TBL1X: variants seen among roughly 807,000 people sequenced by gnomAD.
The protein encoded by TBL1X is F-box-like/WD repeat-containing protein TBL1X.
Under a neutral mutation model 50.7 loss-of-function variants are expected in TBL1X, and 10 were observed. The observed-to-expected ratio is 0.20, with a 90% CI of 0.12 to 0.33. TBL1X has a LOEUF of 0.33. TBL1X is among the 10% of genes least tolerant of loss of function. The pLI, the probability that TBL1X is intolerant of heterozygous loss-of-function variation, is 1.00. For missense variants in TBL1X, 340 were observed against 504.4 expected (o/e 0.67, Z 3.12); for synonymous variants, 190 against 214.7 (o/e 0.88, Z 1.01).
intron 5 of TBL1X, among the ~76,000 whole-genome samples, chrX:9,668,646 G>A (rs1052245947): frequency 2.7e-5 from 3 of 112,180 alleles, no homozygotes; most frequent in African/African-American, 6.5e-5. Context: ...GTAAGAATCT[G>A]TTCTCTTTTG....
At chrX:9,661,127 A>G (rs907433611) in intron 5 of TBL1X, among the ~76,000 whole-genome samples, 2 of 112,797 alleles carry the variant, frequency 1.8e-5, no homozygotes, top group African/African-American at 3.2e-5. Context: ...TTGGTAGAGC[A>G]GCCCGAACAG....
At position 9,479,767 on chromosome X, in the gene TBL1X, C is replaced by T. The variant is rs1273882937; in HGVS notation, c.-201+14320C>T. On this transcript the variant is annotated intron_variant, in intron 1 of 17. Coordinates refer to ENST00000645353, the MANE Select transcript of TBL1X (RefSeq NM_005647.4). ...GGACACATGGAGTTAGCCGGCTCCCCTGGCTAGGCTGGGAAGAATCATGGG... is the reference window on the plus strand; with the variant it reads ...GGACACATGGAGTTAGCCGGCTCCCTTGGCTAGGCTGGGAAGAATCATGGG... 3.6e-5 allele frequency among the ~76,000 whole-genome samples: 4 copies of T among 111,618 alleles called. No individual in the cohort carries two copies. In the East Asian group the frequency reaches 1.1e-3, roughly 31 times the overall value.
chrX:9,577,089 G>A (rs1346154099), intron 2 of TBL1X, among the ~76,000 whole-genome samples: 1 of 111,471 alleles, frequency 9.0e-6, no homozygotes, highest in Non-Finnish European at 1.9e-5. Context: ...GATGAAATGT[G>A]CCCAGTGTTC....
intron 12 of TBL1X, among the ~76,000 whole-genome samples, chrX:9,702,163 C>T (rs1291463829): frequency 1.8e-5 from 2 of 111,409 alleles, no homozygotes; most frequent in African/African-American, 3.3e-5. Flanking sequence ...TGGCTGGGTG[C>T]GTTGGCTCAT....
chrX:9,696,757 AAC>A (rs1396587647), intron 11 of TBL1X, among the ~76,000 whole-genome samples: 2 of 112,484 alleles, frequency 1.8e-5, no homozygotes, highest in Non-Finnish European at 3.8e-5. Flanking sequence ...CAGGTTTTTC[AAC>A]AGTTTCTGCA....
Position 9,609,783 on chromosome X carries a change from C to T in TBL1X, c.-130-30490C>T, listed in dbSNP as rs145149564. 7.5e-3 allele frequency among the ~76,000 whole-genome samples: 840 copies of T among 111,751 alleles called. 9 individuals are homozygous for T. Among genetic ancestry groups the T allele is most frequent in the African/African-American group, 0.026 (785 of 30,735 alleles). On this transcript the variant is annotated intron_variant, in intron 2 of 17. Transcript: ENST00000645353. ...AACATGGTCAGCTGAGCCAGGAATG[C>T]GTGACATCTTTATTTTTCCCCTTGC...
At chrX:9,496,051 A>AGT (rs1395296233) in intron 1 of TBL1X, among the ~76,000 whole-genome samples, 1 of 112,709 alleles carries the variant, frequency 8.9e-6, no homozygotes, top group Non-Finnish European at 1.9e-5. Flanking sequence ...GTGTATACAT[A>AGT]GTGTAGTGTT....
At chrX:9,569,292 C>CA (rs1474455651) in intron 2 of TBL1X, among the ~76,000 whole-genome samples, 1 of 85,446 alleles carries the variant, frequency 1.2e-5, no homozygotes, top group Non-Finnish European at 2.2e-5. Context: ...AGTATCTGTG[C>CA]AATGTGTTGT....
chrX:9,630,050 A>T (rs1446661067), intron 2 of TBL1X, among the ~76,000 whole-genome samples: 1 of 110,682 alleles, frequency 9.0e-6, no homozygotes, highest in African/African-American at 3.3e-5. Context: ...AGGGTTCAGG[A>T]TATTTGTTAA....
At chrX:9,609,576 T>C (rs1000017839) in intron 2 of TBL1X, among the ~76,000 whole-genome samples, 12 of 111,298 alleles carry the variant, frequency 1.1e-4, no homozygotes, top group Admixed American at 2.9e-4. Context: ...ATCACATGTG[T>C]TGCTGGAGAT....
At chrX:9,558,533 G>GAA (rs912580160) in intron 2 of TBL1X, among the ~76,000 whole-genome samples, 2 of 106,690 alleles carry the variant, frequency 1.9e-5, no homozygotes, top group African/African-American at 6.9e-5. Flanking sequence ...AAAAAGGAAG[G>GAA]AAAAAAAAAT....
chrX:9,547,383 G>A (rs960348963), intron 2 of TBL1X, among the ~76,000 whole-genome samples: 2 of 110,152 alleles, frequency 1.8e-5, no homozygotes, highest in African/African-American at 6.6e-5. Flanking sequence ...GCAATGGCGC[G>A]ATCTCGACTC....
intron 2 of TBL1X, among the ~76,000 whole-genome samples, chrX:9,619,039 G>A (rs2082653365): frequency 8.9e-6 from 1 of 111,961 alleles, no homozygotes; most frequent in Non-Finnish European, 1.9e-5. Flanking sequence ...AGTGATAGAC[G>A]TTTAACCTTG....
chrX:9,659,502 A>T (rs2082884940), intron 5 of TBL1X, among the ~76,000 whole-genome samples: 1 of 112,761 alleles, frequency 8.9e-6, no homozygotes, highest in Non-Finnish European at 1.9e-5. Flanking sequence ...TTGTTTATGC[A>T]TCCTCTTGTG....
In TBL1X at chrX:9,717,823, T is replaced by TA. The variant is rs1426723436; in HGVS notation, c.*1578dup. The stretch of plus-strand genomic sequence containing the variant: ...AAGATTTTCAGTCCTGAACGTGAAT[T>TA]ATAGAGGTAGAACGTCGCTAATAAT... On this transcript the variant is annotated 3_prime_UTR_variant, in exon 18 of 18. Transcript: ENST00000645353. 2 of 112,458 alleles carry TA rather than the reference T, an allele frequency of 1.8e-5. No individual in the cohort carries two copies. Among genetic ancestry groups the TA allele is most frequent in the Non-Finnish European group, 3.8e-5 (2 of 53,329 alleles). The allele number at this position is 112,458 out of a possible 1,213,427, so 9.3% of individuals were successfully genotyped here.
intron 3 of TBL1X, among the ~76,000 whole-genome samples, chrX:9,640,959 G>C (rs986245112): frequency 1.8e-5 from 2 of 111,810 alleles, no homozygotes; most frequent in Non-Finnish European, 3.8e-5. Context: ...GATCCTGAAG[G>C]AGCTATAACA....
intron 2 of TBL1X, among the ~76,000 whole-genome samples, chrX:9,545,408 TGTG>T (rs2082237240): frequency 9.2e-6 from 1 of 109,145 alleles, no homozygotes; most frequent in African/African-American, 3.3e-5. Flanking sequence ...ATTAGCCAGG[TGTG>T]GTGGTGCACA....
At chrX:9,575,385 A>G (rs2082406084) in intron 2 of TBL1X, among the ~76,000 whole-genome samples, 1 of 111,342 alleles carries the variant, frequency 9.0e-6, no homozygotes, top group African/African-American at 3.3e-5. Context: ...CCCTGTCCCA[A>G]CCGGTGCAAC....
chrX:9,540,819 A>G (rs1569219277), intron 2 of TBL1X, among the ~76,000 whole-genome samples: 2 of 112,107 alleles, frequency 1.8e-5, no homozygotes, highest in African/African-American at 6.5e-5. Flanking sequence ...AGCCCCAGGA[A>G]ATATTACTCT....
Sources: gnomAD v4.1 joint callset for allele counts (sites outside exome capture counted in the v4.1 genomes callset) on GRCh38, gnomAD v4.1.1 for gene constraint, MANE v1.5 for transcripts, NCBI Gene and HGNC (gene_info 2026-07-23, HGNC 2026-07-21) for gene names.